REDIC1: variants seen among roughly 807,000 people sequenced by gnomAD.
The protein encoded by REDIC1 is HEI10 Interacting Protein 1.
chr12:39,858,656 G>T, the REDIC1 span, among the ~76,000 whole-genome samples: 1 of 152,108 alleles, frequency 6.6e-6, no homozygotes, highest in African/African-American at 2.4e-5. Context: ...GCCTGGGCTG[G>T]AGTGCAATGG....
At chr12:39,791,194 C>T in the REDIC1 span, among the ~76,000 whole-genome samples, 1 of 151,304 alleles carries the variant, frequency 6.6e-6, no homozygotes, top group Non-Finnish European at 1.5e-5. Context: ...TAAAAACTCT[C>T]AATAAATTAG....
At chr12:39,730,961 G>A in the REDIC1 span, among the ~76,000 whole-genome samples, 1 of 151,868 alleles carries the variant, frequency 6.6e-6, no homozygotes, top group African/African-American at 2.4e-5. Context: ...TGATACTTGT[G>A]TATGCTTCAC....
chr12:39,716,371 T>C, the REDIC1 span, among the ~76,000 whole-genome samples: 2 of 152,076 alleles, frequency 1.3e-5, no homozygotes, highest in African/African-American at 4.8e-5. Context: ...ATTTACTAGA[T>C]TGGCAAATGT....
chr12:39,868,012 T>C, the REDIC1 span, among the ~76,000 whole-genome samples: 33 of 152,364 alleles, frequency 2.2e-4, no homozygotes, highest in South Asian at 6.8e-3. Flanking sequence ...ATATACACTA[T>C]TAAAGCATAA....
the REDIC1 span, among the ~76,000 whole-genome samples, chr12:39,838,353 A>G: frequency 1.4e-5 from 1 of 69,826 alleles, no homozygotes; most frequent in Non-Finnish European, 2.7e-5. Context: ...GGGTGGGGGG[A>G]GGGGGGAGGG....
chr12:39,736,227 T>C, the REDIC1 span, among the ~76,000 whole-genome samples: 1 of 152,220 alleles, frequency 6.6e-6, no homozygotes, highest in Non-Finnish European at 1.5e-5. Flanking sequence ...ACAGAATTTT[T>C]ATGGACTATT....
chr12:39,714,156 T>A, the REDIC1 span, among the ~76,000 whole-genome samples: 1 of 149,870 alleles, frequency 6.7e-6, no homozygotes, highest in African/African-American at 2.4e-5. Flanking sequence ...TGTATATACA[T>A]GCATATATGC....
the REDIC1 span, among the ~76,000 whole-genome samples, chr12:39,860,285 T>A: frequency 2.0e-5 from 3 of 152,348 alleles, no homozygotes; most frequent in African/African-American, 7.2e-5. Flanking sequence ...CCTTCCAGCA[T>A]GAATAGCTTA....
the REDIC1 span, among the ~76,000 whole-genome samples, chr12:39,877,063 A>G: frequency 3.3e-5 from 5 of 152,200 alleles, no homozygotes; most frequent in Admixed American, 2.0e-4. Flanking sequence ...TTAGAATGCC[A>G]TTACATTAAA....
the REDIC1 span, among the ~76,000 whole-genome samples, chr12:39,775,707 AG>A: frequency 6.6e-6 from 1 of 152,228 alleles, no homozygotes; most frequent in Non-Finnish European, 1.5e-5. Flanking sequence ...CCAGAGAATA[AG>A]TTATATGGAT....
chr12:39,722,354 C>T, the REDIC1 span, among the ~76,000 whole-genome samples: 1 of 152,054 alleles, frequency 6.6e-6, no homozygotes, highest in African/African-American at 2.4e-5. Flanking sequence ...TAATGATCAA[C>T]TCATGGAAGG....
the REDIC1 span, among the ~76,000 whole-genome samples, chr12:39,906,323 A>T: frequency 3.3e-5 from 5 of 152,232 alleles, no homozygotes; most frequent in African/African-American, 1.2e-4. Flanking sequence ...TGTAAACTAA[A>T]TTTCATCAGA....
At chr12:39,664,550 T>C in the REDIC1 span, among the ~76,000 whole-genome samples, 13 of 152,054 alleles carry the variant, frequency 8.5e-5, no homozygotes, top group African/African-American at 3.1e-4. Flanking sequence ...GTGCATGTGT[T>C]TTTATAGCAG....
the REDIC1 span, chr12:39,683,353 A>G: frequency 7.8e-7 from 1 of 1,286,456 alleles, no homozygotes; most frequent in South Asian, 1.2e-5. Flanking sequence ...TATGCTTTGA[A>G]TTAAAAAATG....
the REDIC1 span, among the ~76,000 whole-genome samples, chr12:39,822,066 C>T: frequency 3.5e-5 from 4 of 113,248 alleles, no homozygotes; most frequent in Non-Finnish European, 7.0e-5. Flanking sequence ...CTATCCCTCC[C>T]CCCTCCCCCC....
the REDIC1 span, chr12:39,692,188 G>T: frequency 2.3e-6 from 3 of 1,287,102 alleles, no homozygotes; most frequent in Non-Finnish European, 2.1e-6. Flanking sequence ...TAAATTTGAA[G>T]TGATTTTTTA....
chr12:39,712,431 T>C, the REDIC1 span, among the ~76,000 whole-genome samples: 7 of 116,254 alleles, frequency 6.0e-5, no homozygotes, highest in East Asian at 4.8e-4. Context: ...TACGTATATA[T>C]ACATACGTAT....
the REDIC1 span, among the ~76,000 whole-genome samples, chr12:39,751,792 T>C: frequency 6.6e-6 from 1 of 152,202 alleles, no homozygotes; most frequent in South Asian, 2.1e-4. Context: ...CTCAGCAAAC[T>C]ATCACAAGGA....
the REDIC1 span, among the ~76,000 whole-genome samples, chr12:39,697,632 GTTT>G: frequency 4.0e-4 from 61 of 152,134 alleles, no homozygotes; most frequent in Non-Finnish European, 7.5e-4. Flanking sequence ...AAGGGGTAGA[GTTT>G]TTATTAGTTT....
Sources: allele counts gnomAD v4.1 joint callset (sites outside exome capture counted in the v4.1 genomes callset), GRCh38; gene constraint gnomAD v4.1.1; transcripts MANE v1.5; gene names NCBI Gene and HGNC (gene_info 2026-07-23, HGNC 2026-07-21).